POLD3: variants seen among roughly 807,000 people sequenced by gnomAD.
The protein encoded by POLD3 is DNA polymerase delta subunit 3.
A neutral mutation model predicts 58.2 loss-of-function variants in POLD3; 19 were observed. The ratio of observed to expected loss-of-function variants is 0.33; its 90% CI spans 0.23 to 0.48. The LOEUF (loss-of-function observed/expected upper bound fraction) is 0.48, where lower values mean the gene tolerates loss of function less well. POLD3 is among the 20% of genes least tolerant of loss of function. The pLI, the probability that POLD3 is intolerant of heterozygous loss-of-function variation, is 0.99. For missense variants in POLD3, 504 were observed against 545.5 expected (o/e 0.92, Z 0.76); for synonymous variants, 172 against 193.5 (o/e 0.89, Z 0.92).
rs559295810 is a variant in POLD3, at chr11:74,649,255, C to G, written c.369+12980C>G. On this transcript the variant is annotated intron_variant, in intron 4 of 4. Transcript: ENST00000524752. ...ACTAACACCTATTCTATGCCAGATG[C>G]TTTCATATACTTTATATCATTTGAT... Among the ~76,000 whole-genome samples, 36 of 152,308 alleles carry G rather than the reference C, an allele frequency of 2.4e-4. No individual in the cohort carries two copies. In the South Asian group the frequency reaches 7.5e-3, roughly 32 times the overall value.
chr11:74,652,406 C>CATCATCAGTATATGACAGT, intron 4 of POLD3, among the ~76,000 whole-genome samples: 1 of 152,336 alleles, frequency 6.6e-6, no homozygotes, highest in South Asian at 2.1e-4. Context: ...GGTTGCGTAT[C>CATCATCAGTATATGACAGT]ATCATCAGTA....
At chr11:74,618,419 G>A (rs2032145031) in intron 5 of POLD3, 118 bp from the exon 6 acceptor site, 1 of 712,722 alleles carries the variant, frequency 1.4e-6, no homozygotes, top group East Asian at 2.5e-5. Flanking sequence ...TTGTGTGGAA[G>A]AAGCAAGAGT....
At chr11:74,612,522 T>C (rs1321575550) in intron 4 of POLD3, among the ~76,000 whole-genome samples, 1 of 152,230 alleles carries the variant, frequency 6.6e-6, no homozygotes, top group Non-Finnish European at 1.5e-5. Flanking sequence ...TATTCTCAGA[T>C]AGAAATTACT....
At chr11:74,625,771 T>G (rs1490925628) in intron 8 of POLD3, among the ~76,000 whole-genome samples, 198 bp downstream of exon 8, 1 of 152,136 alleles carries the variant, frequency 6.6e-6, no homozygotes, top group Non-Finnish European at 1.5e-5. Context: ...TCAGCCAGTT[T>G]GGATGATTTA....
intron 11 of POLD3, 57 bp downstream of exon 11, chr11:74,636,332 C>T (rs1383905697): frequency 6.4e-7 from 1 of 1,554,196 alleles, no homozygotes; most frequent in East Asian, 2.2e-5. Flanking sequence ...ACCACAGAGG[C>T]ACCATAATCC....
chr11:74,618,851 A>T, intron 6 of POLD3, 47 bp downstream of exon 6: 1 of 1,514,744 alleles, frequency 6.6e-7, no homozygotes, highest in South Asian at 1.2e-5. Flanking sequence ...CAGAGTGGGT[A>T]ACTAGAAAAG....
At chr11:74,658,117 GGACTTA>G (rs1208546577) in intron 4 of POLD3, among the ~76,000 whole-genome samples, 3 of 152,142 alleles carry the variant, frequency 2.0e-5, no homozygotes, top group African/African-American at 7.2e-5. Flanking sequence ...AGGTTTAATT[GGACTTA>G]GAGTTCCACA....
chr11:74,642,010 G>T lies in POLD3; in HGVS notation c.*1244G>T. The stretch of plus-strand genomic sequence containing the variant: ...ATTGCAGTGGTGTGCTGGTGATTTT[G>T]CACAGTGAGCTCTGCGGAAGGGGTC... On this transcript the variant is annotated 3_prime_UTR_variant, in exon 12 of 12. Coordinates refer to ENST00000263681, the MANE Select transcript of POLD3 (RefSeq NM_006591.3). The T allele has an allele frequency of 1.0e-6, 1 of 985,486 alleles. No individual in the cohort carries two copies. Among genetic ancestry groups the T allele is most frequent in the Non-Finnish European group, 1.2e-6 (1 of 829,954 alleles). The allele number at this position is 985,486 out of a possible 1,614,324, so 61.0% of individuals were successfully genotyped here.
At chr11:74,662,569 C>A (rs1213053070) in intron 4 of POLD3, among the ~76,000 whole-genome samples, 2 of 151,916 alleles carry the variant, frequency 1.3e-5, no homozygotes, top group African/African-American at 2.4e-5. Context: ...AATCAAAATT[C>A]TTTTTACCCT....
intron 9 of POLD3, among the ~76,000 whole-genome samples, chr11:74,629,719 G>C (rs919112966): frequency 3.3e-5 from 5 of 151,952 alleles, no homozygotes; most frequent in Admixed American, 3.3e-4. Flanking sequence ...GGGTTAACTG[G>C]AACAACCTAC....
At chr11:74,666,365 A>G (rs1015617426) in intron 4 of POLD3, among the ~76,000 whole-genome samples, 4 of 152,214 alleles carry the variant, frequency 2.6e-5, no homozygotes, top group African/African-American at 9.6e-5. Flanking sequence ...TCACGCCTGT[A>G]ATCCCAGCAC....
chr11:74,627,540 C>G (rs1206259336), intron 8 of POLD3, among the ~76,000 whole-genome samples: 1 of 152,154 alleles, frequency 6.6e-6, no homozygotes, highest in Non-Finnish European at 1.5e-5. Flanking sequence ...TGTACAGTAA[C>G]ATCCTAGGGC....
At chr11:74,623,690 T>A (rs1451817620) in intron 7 of POLD3, among the ~76,000 whole-genome samples, 1 of 152,212 alleles carries the variant, frequency 6.6e-6, no homozygotes, top group Non-Finnish European at 1.5e-5. Flanking sequence ...AATTTAAAGG[T>A]CATAATTGGT....
chr11:74,596,405 C>T lies in POLD3; in HGVS notation c.116+2289C>T, dbSNP rs181432649. Among the ~76,000 whole-genome samples, 8 of 151,956 alleles carry T rather than the reference C, an allele frequency of 5.3e-5. No homozygotes were observed. In the East Asian group the frequency reaches 1.4e-3, roughly 26 times the overall value. ...TTCACCATGCTGGCCAGGCTGGTCT[C>T]GAACTCCTGACCTCAAGTGATCTGC... is the stretch of plus-strand genomic sequence containing the variant. On this transcript the variant is annotated intron_variant, in intron 2 of 11. Coordinates refer to ENST00000263681, the MANE Select transcript of POLD3 (RefSeq NM_006591.3).
chr11:74,651,129 CCACAATATAAGTTCTAGGA>C (rs2135193336), intron 4 of POLD3, among the ~76,000 whole-genome samples: 1 of 152,324 alleles, frequency 6.6e-6, no homozygotes, highest in African/African-American at 2.4e-5. Flanking sequence ...ATCTCCTCCA[CCACAATATAAGTTCTAGGA>C]AGTCACGGAC....
At chr11:74,623,205 G>A (rs1177620002) in intron 7 of POLD3, among the ~76,000 whole-genome samples, 7 of 152,088 alleles carry the variant, frequency 4.6e-5, no homozygotes, top group Admixed American at 6.6e-5. Flanking sequence ...AGGCCGAGGC[G>A]GGCGGATCAC....
At chr11:74,599,670 T>G (rs570889096) in intron 2 of POLD3, among the ~76,000 whole-genome samples, 73 of 150,602 alleles carry the variant, frequency 4.8e-4, no homozygotes, top group African/African-American at 1.6e-3. Context: ...CCTCATACTG[T>G]TTTTTTTTAG....
downstream of POLD3, among the ~76,000 whole-genome samples, chr11:74,643,862 T>G (rs1210798287): frequency 6.6e-6 from 1 of 152,244 alleles, no homozygotes; most frequent in Non-Finnish European, 1.5e-5. Flanking sequence ...CATTGTATCT[T>G]AAAATTCTAG....
chr11:74,634,796 A>G, intron 10 of POLD3, 101 bp downstream of exon 10: 1 of 696,064 alleles, frequency 1.4e-6, no homozygotes, highest in Non-Finnish European at 2.6e-6. Context: ...TACTTCACAA[A>G]TGCCAGTAGA....
Sources: allele counts gnomAD v4.1 joint callset (sites outside exome capture counted in the v4.1 genomes callset), GRCh38; gene constraint gnomAD v4.1.1; transcripts MANE v1.5; gene names NCBI Gene and HGNC (gene_info 2026-07-23, HGNC 2026-07-21).